The following CD96 variants were observed in gnomAD, a reference collection of about 807,000 sequenced individuals.
CD96 encodes T-cell surface protein tactile.
Under a neutral mutation model 71.3 loss-of-function variants are expected in CD96, and 70 were observed. The observed-to-expected ratio is 0.98, with a 90% CI of 0.81 to 1.20. The LOEUF (loss-of-function observed/expected upper bound fraction) is 1.20, where lower values mean the gene tolerates loss of function less well. Ranked by LOEUF, CD96 falls within the 50% of genes most tolerant of loss-of-function variation. The probability of loss-of-function intolerance (pLI) is 0.00; values close to 1 mark genes in which losing one functional copy is unlikely to be tolerated. For missense variants in CD96, 742 were observed against 677.5 expected (o/e 1.10, Z -1.06); for synonymous variants, 248 against 233.0 (o/e 1.06, Z -0.59).
At chr3:111,562,530 C>T (rs1431662883) in intron 2 of CD96, among the ~76,000 whole-genome samples, 1 of 68,796 alleles carries the variant, frequency 1.5e-5, no homozygotes, top group African/African-American at 6.3e-5. Context: ...ATTGATCTCT[C>T]TTCTCGATTT....
intron 3 of CD96, among the ~76,000 whole-genome samples, chr3:111,572,421 G>T (rs1298113634): frequency 6.6e-6 from 1 of 152,134 alleles, no homozygotes; most frequent in Non-Finnish European, 1.5e-5. Flanking sequence ...TTATATTAGG[G>T]AATAAACTAC....
chr3:111,578,962 C>T (rs1279854319), intron 3 of CD96, 65 bp from the exon 4 acceptor site: 4 of 820,162 alleles, frequency 4.9e-6, no homozygotes, highest in Admixed American at 3.4e-5. Flanking sequence ...CAGTGCTTGT[C>T]GAATGCCTAG....
rs76516292 is a variant in CD96 at position 111,619,629 on chromosome 3, T to C, written c.1181-4125T>C. On this transcript the variant is annotated intron_variant, in intron 8 of 13. Coordinates refer to ENST00000352690, the MANE Select transcript of CD96 (RefSeq NM_005816.5). Reference sequence around the variant, plus strand: ...AGAGATTTTGCTATGTTGTGAAATATAAACTTAGCCTTAAAACAAAAGGTA... The same window carrying C: ...AGAGATTTTGCTATGTTGTGAAATACAAACTTAGCCTTAAAACAAAAGGTA... Among the ~76,000 whole-genome samples, 119 of 152,366 alleles carry C rather than the reference T, an allele frequency of 7.8e-4. No individual in the cohort carries two copies. In the East Asian group the frequency reaches 0.021, roughly 27 times the overall value.
At chr3:111,617,104 G>A (rs759123878) in intron 8 of CD96, among the ~76,000 whole-genome samples, 13 of 152,322 alleles carry the variant, frequency 8.5e-5, no homozygotes, top group South Asian at 4.1e-4. Context: ...GACTTTGGGC[G>A]CCAAGGAGCA....
At chr3:111,544,011 C>T (rs1934250583) in intron 1 of CD96, among the ~76,000 whole-genome samples, 1 of 152,148 alleles carries the variant, frequency 6.6e-6, no homozygotes, top group Non-Finnish European at 1.5e-5. Flanking sequence ...ATAAAGTTCT[C>T]TTTGGTCTCT....
intron 12 of CD96, among the ~76,000 whole-genome samples, chr3:111,640,509 T>C (rs1176419309): frequency 3.3e-5 from 5 of 152,198 alleles, no homozygotes; most frequent in Admixed American, 6.5e-5. Context: ...ACCAAACTTA[T>C]GAATAATTGG....
chr3:111,554,316 G>C (rs1363231043), intron 2 of CD96, among the ~76,000 whole-genome samples: 2 of 151,790 alleles, frequency 1.3e-5, no homozygotes, highest in Non-Finnish European at 2.9e-5. Context: ...TTCTGATATT[G>C]TATTTTTAAG....
chr3:111,610,807 G>C (rs570598251), intron 8 of CD96, among the ~76,000 whole-genome samples: 29 of 152,334 alleles, frequency 1.9e-4, no homozygotes, highest in African/African-American at 6.3e-4. Context: ...CCGTCGCCTT[G>C]AGGAGAGAGC....
intron 5 of CD96, chr3:111,593,212 T>C: frequency 5.1e-6 from 1 of 196,734 alleles, no homozygotes; most frequent in Non-Finnish European, 1.0e-5. Context: ...CAAAACCGAG[T>C]GCTAGGCAAA....
rs140057305 is a variant in CD96 at position 111,658,329 on chromosome 3, A to G, written c.*53-7198A>G. Among the ~76,000 whole-genome samples, 467 of 152,308 alleles carry G rather than the reference A, an allele frequency of 3.1e-3. 1 individual carries two copies. Among genetic ancestry groups the G allele is most frequent in the Non-Finnish European group, 5.0e-3 (339 of 68,006 alleles). On this transcript the variant is annotated intron_variant and NMD_transcript_variant, in intron 14 of 14. Coordinates refer to the CD96 transcript ENST00000494798. ...TCCTTACCAGTAGTAAGTGATAGCT[A>G]TATAGATAGGTAGATAGGTAGTCAG...
In CD96 at chr3:111,585,323, CT is replaced by C; in HGVS notation, c.753del (p.Lys252AsnfsTer6). On this transcript the variant is annotated frameshift_variant and splice_region_variant, in exon 5 of 14. Coordinates refer to ENST00000352690, the MANE Select transcript of CD96 (RefSeq NM_005816.5). LOFTEE classifies it high-confidence loss of function. ...LRSSTTVKVF[A>X]KPEIPVIVEN... is the part of the protein sequence containing the mutation. ...TAACTATGTTTTATTTGCCTTTAAGCTAAACCAGAAATCCCTGTGATTGTGG... is the reference window on the plus strand; with the variant it reads ...TAACTATGTTTTATTTGCCTTTAAGCAAACCAGAAATCCCTGTGATTGTGG... The C allele has an allele frequency of 6.2e-7, 1 of 1,607,860 alleles. No homozygotes were observed. The highest frequency in any genetic ancestry group is 8.5e-7 in the Non-Finnish European group (1 of 1,174,492).
intron 2 of CD96, among the ~76,000 whole-genome samples, chr3:111,556,684 T>A (rs1004393814): frequency 7.0e-6 from 1 of 143,304 alleles, no homozygotes; most frequent in African/African-American, 2.6e-5. Flanking sequence ...TGTGTCTTTA[T>A]AGCAGCATGA....
At chr3:111,664,238 A>T (rs147397819) in intron 14 of CD96, among the ~76,000 whole-genome samples, 26 of 152,356 alleles carry the variant, frequency 1.7e-4, no homozygotes, top group Non-Finnish European at 3.1e-4. Flanking sequence ...CCTTCACAGT[A>T]TCAAAAATAT....
chr3:111,551,256 T>C (rs1473664478), intron 2 of CD96, among the ~76,000 whole-genome samples: 3 of 152,262 alleles, frequency 2.0e-5, no homozygotes, highest in Admixed American at 6.5e-5. Flanking sequence ...TGAGAGTAGA[T>C]GGCTAAAATG....
intron 3 of CD96, chr3:111,577,648 C>A (rs1936279123): frequency 1.2e-6 from 1 of 835,338 alleles, no homozygotes. Flanking sequence ...CAAATCCTAG[C>A]CAGATTCAGC....
intron 4 of CD96, 160 bp downstream of exon 4, chr3:111,579,394 G>A (rs774010431): frequency 9.4e-5 from 66 of 702,364 alleles, no homozygotes; most frequent in Admixed American, 1.4e-4. Context: ...TGGGCAGGGG[G>A]ATGAGGGTAG....
At position 111,606,681 on chromosome 3, in the gene CD96, C is replaced by T; in HGVS notation, c.1088-19C>T. On this transcript the variant is annotated intron_variant, in intron 7 of 13. Coordinates refer to ENST00000352690, the MANE Select transcript of CD96 (RefSeq NM_005816.5). ...TTACAATATTTTGTTCATTATAAAT[C>T]TCTTTCTAATCCTTTAAGGTTCTGA... The T allele has an allele frequency of 8.2e-7, 1 of 1,218,876 alleles. No homozygotes were observed. The highest frequency in any genetic ancestry group is 1.2e-6 in the Non-Finnish European group (1 of 819,138). The allele number at this position is 1,218,876 out of a possible 1,614,324, so 75.5% of individuals were successfully genotyped here.
chr3:111,597,203 G>T (rs902291573), intron 5 of CD96, among the ~76,000 whole-genome samples: 7 of 152,084 alleles, frequency 4.6e-5, no homozygotes, highest in African/African-American at 1.7e-4. Context: ...TACATCTCTT[G>T]ATGAGAAAAC....
Position 111,567,553 on chromosome 3 carries a change from C to T in CD96, c.449C>T (p.Thr150Met), listed in dbSNP as rs149798144. The T allele has an allele frequency of 2.5e-4, 404 of 1,602,838 alleles. 1 individual carries two copies. Among genetic ancestry groups the T allele is most frequent in the East Asian group, 4.5e-5 (2 of 44,816 alleles). ...VTADEWNSNH[T>M]IEIEINQTLE... ...GCAGATGAATGGAACAGCAACCATA[C>T]GATAGAAATAGAGATAAATCAGACT... is the stretch of plus-strand genomic sequence containing the variant. The change falls in exon 3 of 14, where the codon ACG (threonine) becomes ATG (methionine). Residue 150 changes from threonine (T) to methionine (M), a missense_variant. Transcript: ENST00000352690.
Sources: gnomAD v4.1 joint callset for allele counts (sites outside exome capture counted in the v4.1 genomes callset) on GRCh38, gnomAD v4.1.1 for gene constraint, MANE v1.5 for transcripts, NCBI Gene and HGNC (gene_info 2026-07-23, HGNC 2026-07-21) for gene names.